The following ASTN2 variants were observed in gnomAD, a reference collection of about 807,000 sequenced individuals.
The protein encoded by ASTN2 is astrotactin-2.
ASTN2 carries 54 observed loss-of-function variants against 139.8 expected under a neutral mutation model. That is an observed-to-expected ratio of 0.39 (90% confidence interval 0.31 to 0.48). The LOEUF is 0.48. Among genes scored for constraint, ASTN2 ranks in the 20% least tolerant of loss-of-function variants. The probability of loss-of-function intolerance (pLI) is 0.95; values close to 1 mark genes in which losing one functional copy is unlikely to be tolerated. For missense variants in ASTN2, 1,565 were observed against 1,725.1 expected (o/e 0.91, Z 1.64); for synonymous variants, 756 against 719.5 (o/e 1.05, Z -0.81).
Position 117,335,775 on chromosome 9 carries a change from C to G in ASTN2, c.443-44262G>C, listed in dbSNP as rs561817357. Among the ~76,000 whole-genome samples, 8 of 150,944 alleles carry G rather than the reference C, an allele frequency of 5.3e-5. No individual in the cohort carries two copies. In the South Asian group the frequency reaches 1.5e-3, roughly 28 times the overall value. ...AATAACATAGATAAAGAACTCAGAG[C>G]AAGAAGAAAAAAAAAGGGACTTGCT... On this transcript the variant is annotated intron_variant, in intron 1 of 22. Transcript: ENST00000313400.
At chr9:117,142,635 A>C (rs1830102354) in intron 3 of ASTN2, among the ~76,000 whole-genome samples, 1 of 152,198 alleles carries the variant, frequency 6.6e-6, no homozygotes, top group South Asian at 2.1e-4. Context: ...ACTGGTAGAA[A>C]GTTCAGTACA....
At chr9:117,281,009 C>T (rs989423533) in intron 2 of ASTN2, among the ~76,000 whole-genome samples, 2 of 152,142 alleles carry the variant, frequency 1.3e-5, no homozygotes, top group African/African-American at 4.8e-5. Context: ...TAAGAAAGAG[C>T]AATCTTTTCT....
chr9:117,053,089 T>C (rs529936602), intron 5 of ASTN2, among the ~76,000 whole-genome samples: 9 of 152,210 alleles, frequency 5.9e-5, no homozygotes, highest in Non-Finnish European at 8.8e-5. Flanking sequence ...GAGAAGCTAT[T>C]GTGAACCAAG....
intron 19 of ASTN2, among the ~76,000 whole-genome samples, chr9:116,577,128 C>T (rs931563949): frequency 6.6e-6 from 1 of 152,176 alleles, no homozygotes; most frequent in South Asian, 2.1e-4. Flanking sequence ...TCCAAAGTCA[C>T]GCACAGTTGG....
chr9:116,530,117 AT>A (rs1851266276), intron 19 of ASTN2, among the ~76,000 whole-genome samples: 3 of 32,200 alleles, frequency 9.3e-5, no homozygotes, highest in African/African-American at 1.1e-4. Flanking sequence ...ATATATATAT[AT>A]ATATATATAT....
At chr9:116,576,149 C>T (rs776081321) in intron 19 of ASTN2, among the ~76,000 whole-genome samples, 3 of 152,062 alleles carry the variant, frequency 2.0e-5, no homozygotes, top group Admixed American at 6.6e-5. Context: ...TCCAGGAGGC[C>T]GGTGTGGAGC....
chr9:116,724,676 A>G (rs1287331450), intron 16 of ASTN2, among the ~76,000 whole-genome samples: 1 of 152,058 alleles, frequency 6.6e-6, no homozygotes, highest in Admixed American at 6.6e-5. Context: ...TGGCTCCCAC[A>G]TTTTGTGGTT....
At chr9:116,686,765 C>T (rs1343947591) in intron 16 of ASTN2, 5 of 1,550,682 alleles carry the variant, frequency 3.2e-6, no homozygotes, top group Non-Finnish European at 4.4e-6. Flanking sequence ...GGCCTCCCAG[C>T]TGAGTAGGCA....
chr9:117,026,189 C>A (rs948364267), intron 6 of ASTN2, among the ~76,000 whole-genome samples: 2 of 151,952 alleles, frequency 1.3e-5, no homozygotes, highest in Admixed American at 6.6e-5. Flanking sequence ...GGTGCTTCAG[C>A]GGAATTGTAA....
chr9:116,446,794 G>T (rs893478442), intron 20 of ASTN2, among the ~76,000 whole-genome samples: 5 of 152,184 alleles, frequency 3.3e-5, no homozygotes, highest in African/African-American at 1.2e-4. Flanking sequence ...AGACTGTGTG[G>T]TATGAGATCT....
intron 1 of ASTN2, among the ~76,000 whole-genome samples, chr9:117,292,683 A>G (rs1834623602): frequency 6.6e-6 from 1 of 152,070 alleles, no homozygotes; most frequent in African/African-American, 2.4e-5. Flanking sequence ...CAGTCTCCAA[A>G]GACCTCGAGT....
At chr9:117,080,741 G>A (rs779647240) in intron 5 of ASTN2, among the ~76,000 whole-genome samples, 8 of 152,154 alleles carry the variant, frequency 5.3e-5, no homozygotes, top group Non-Finnish European at 1.0e-4. Flanking sequence ...AGAGCAGAGA[G>A]ATGAGCTTAG....
chr9:117,116,049 T>TATATATATATATATATATATATAC, intron 4 of ASTN2, among the ~76,000 whole-genome samples: 1 of 150,992 alleles, frequency 6.6e-6, no homozygotes, highest in Non-Finnish European at 1.5e-5. Flanking sequence ...TATATATATA[T>TATATATATATATATATATATATAC]ATATTGCTCC....
intron 19 of ASTN2, among the ~76,000 whole-genome samples, chr9:116,604,400 T>A (rs566124621): frequency 6.6e-5 from 10 of 152,276 alleles, no homozygotes; most frequent in African/African-American, 2.2e-4. Context: ...CAGTTCCAGA[T>A]GTTTGCAATC....
At chr9:116,615,863 TTAAAGTA>T (rs1349052474) in intron 19 of ASTN2, among the ~76,000 whole-genome samples, 1 of 151,876 alleles carries the variant, frequency 6.6e-6, no homozygotes, top group African/African-American at 2.4e-5. Flanking sequence ...ACCCTAGAAC[TTAAAGTA>T]TAATAAAAAA....
At chr9:116,787,189 C>T (rs765612233) in intron 13 of ASTN2, among the ~76,000 whole-genome samples, 14 of 152,190 alleles carry the variant, frequency 9.2e-5, no homozygotes, top group Non-Finnish European at 2.1e-4. Flanking sequence ...ATGGACAACT[C>T]AGTGTGAGAT....
chr9:117,228,647 C>T (rs1291178909), intron 2 of ASTN2, among the ~76,000 whole-genome samples: 1 of 152,084 alleles, frequency 6.6e-6, no homozygotes, highest in African/African-American at 2.4e-5. Context: ...CCTTGATGTA[C>T]CCACCAGGGC....
intron 13 of ASTN2, among the ~76,000 whole-genome samples, chr9:116,743,763 A>G (rs1029488539): frequency 2.6e-5 from 4 of 152,122 alleles, no homozygotes; most frequent in South Asian, 2.1e-4. Context: ...TCGCCCTCCC[A>G]AAGTGCTGGG....
intron 1 of ASTN2, among the ~76,000 whole-genome samples, chr9:117,370,083 G>A (rs376478386): frequency 5.1e-4 from 78 of 152,256 alleles, no homozygotes; most frequent in African/African-American, 1.9e-3. Context: ...AACCCCACTT[G>A]GAAGCCCATG....
Sources: gnomAD v4.1 joint callset for allele counts (sites outside exome capture counted in the v4.1 genomes callset) on GRCh38, gnomAD v4.1.1 for gene constraint, MANE v1.5 for transcripts, NCBI Gene and HGNC (gene_info 2026-07-23, HGNC 2026-07-21) for gene names.